DMD: variants seen among roughly 807,000 people sequenced by gnomAD.
DMD encodes the protein dystrophin.
A neutral mutation model predicts 330.1 loss-of-function variants in DMD; 63 were observed. The observed-to-expected ratio is 0.19, with a 90% confidence interval of 0.16 to 0.24. The LOEUF (loss-of-function observed/expected upper bound fraction) is 0.24, where lower values mean the gene tolerates loss of function less well. Ranked by LOEUF, DMD falls within the 10% of genes least tolerant of loss-of-function variation. The pLI is 1.00. For missense variants in DMD, 3,344 were observed against 2,684.1 expected (o/e 1.25, Z -5.43); for synonymous variants, 1,223 against 959.8 (o/e 1.27, Z -5.07).
At chrX:31,369,506 ATT>A (rs747345297) in intron 60 of DMD, among the ~76,000 whole-genome samples, 1 of 112,233 alleles carries the variant, frequency 8.9e-6, no homozygotes, top group African/African-American at 3.2e-5. Flanking sequence ...ATAAAAGTAG[ATT>A]CAGAAATAAT....
intron 7 of DMD, among the ~76,000 whole-genome samples, chrX:32,742,868 C>T (rs1603338811): frequency 8.9e-6 from 1 of 111,790 alleles, no homozygotes; most frequent in African/African-American, 3.3e-5. Flanking sequence ...TGCAATCCTA[C>T]GATGTAGATA....
intron 2 of DMD, among the ~76,000 whole-genome samples, chrX:32,968,485 T>TA (rs35556943): frequency 0.063 from 6,987 of 111,707 alleles, 165 homozygotes; most frequent in African/African-American, 0.1. Context: ...AAGATATTTT[T>TA]ATCCTTCATT....
chrX:32,788,379 G>A (rs1470129762), intron 7 of DMD, among the ~76,000 whole-genome samples: 2 of 111,548 alleles, frequency 1.8e-5, no homozygotes, highest in Non-Finnish European at 3.8e-5. Flanking sequence ...CACTGATTTT[G>A]GCCGTTGTCC....
At chrX:33,150,666 T>C (rs2048245718) in intron 1 of DMD, among the ~76,000 whole-genome samples, 1 of 108,605 alleles carries the variant, frequency 9.2e-6, no homozygotes, top group African/African-American at 3.4e-5. Context: ...CTCATTCCCT[T>C]AACCTGGAAC....
intron 2 of DMD, among the ~76,000 whole-genome samples, chrX:32,866,760 G>A (rs1486396098): frequency 1.0e-5 from 1 of 96,275 alleles, no homozygotes; most frequent in Non-Finnish European, 2.0e-5. Flanking sequence ...GGGGGACAGA[G>A]TTTCACTCTT....
At chrX:32,688,235 G>T (rs2063023291) in intron 9 of DMD, among the ~76,000 whole-genome samples, 1 of 109,081 alleles carries the variant, frequency 9.2e-6, no homozygotes. Context: ...AAATATCCTT[G>T]GTTCGCAAAA....
At chrX:32,592,341 A>T (rs1379606336) in intron 13 of DMD, among the ~76,000 whole-genome samples, 1 of 110,644 alleles carries the variant, frequency 9.0e-6, no homozygotes, top group Non-Finnish European at 1.9e-5. Flanking sequence ...AGCCCATAAA[A>T]ACCCCAGACT....
chrX:32,178,158 A>AT (rs1405894212), intron 44 of DMD, among the ~76,000 whole-genome samples: 1 of 105,437 alleles, frequency 9.5e-6, no homozygotes, highest in African/African-American at 3.5e-5. Flanking sequence ...AACCTACCTT[A>AT]TGGCCAGAAC....
intron 55 of DMD, among the ~76,000 whole-genome samples, chrX:31,561,610 C>A (rs2075202842): frequency 8.9e-6 from 1 of 111,969 alleles, no homozygotes; most frequent in African/African-American, 3.3e-5. Flanking sequence ...GGGCATCAAT[C>A]TAAATATATT....
At chrX:32,878,290 A>G (rs1475738591) in intron 2 of DMD, among the ~76,000 whole-genome samples, 1 of 111,341 alleles carries the variant, frequency 9.0e-6, no homozygotes, top group African/African-American at 3.3e-5. Context: ...AGGCAGGAGA[A>G]TGGCATGAAC....
At chrX:33,124,496 A>C (rs1480582655) in intron 1 of DMD, among the ~76,000 whole-genome samples, 3 of 104,999 alleles carry the variant, frequency 2.9e-5, no homozygotes, top group African/African-American at 1.1e-4. Context: ...AAAAAAAAAA[A>C]AAAAAAAAAA....
intron 52 of DMD, among the ~76,000 whole-genome samples, chrX:31,704,710 A>G (rs1040446924): frequency 8.9e-6 from 1 of 111,791 alleles, no homozygotes; most frequent in African/African-American, 3.2e-5. Flanking sequence ...CTCAAGCAAG[A>G]CTATATTTTT....
intron 43 of DMD, among the ~76,000 whole-genome samples, chrX:32,261,023 G>A (rs924682138): frequency 9.0e-6 from 1 of 111,694 alleles, no homozygotes; most frequent in Non-Finnish European, 1.9e-5. Flanking sequence ...CAGGGGACAC[G>A]TGGGACACAT....
At chrX:31,315,551 T>C (rs925022669) in intron 62 of DMD, among the ~76,000 whole-genome samples, 1 of 112,316 alleles carries the variant, frequency 8.9e-6, no homozygotes, top group Non-Finnish European at 1.9e-5. Context: ...GGGAAATAGC[T>C]GAAATAATTT....
intron 29 of DMD, among the ~76,000 whole-genome samples, chrX:32,414,525 C>A (rs2098158796): frequency 8.9e-6 from 1 of 112,083 alleles, no homozygotes. Context: ...AGACTATCAA[C>A]TCTAATGAGT....
rs553621372 is a variant in DMD, at chrX:31,177,581, C to G, written c.10262+351G>C. 9.0e-4 allele frequency among the ~76,000 whole-genome samples: 100 copies of G among 111,344 alleles called. 2 individuals are homozygous for G. In the South Asian group the frequency reaches 0.037, roughly 41 times the overall value. On this transcript the variant is annotated intron_variant, in intron 71 of 78. Coordinates refer to ENST00000357033, the MANE Select transcript of DMD (RefSeq NM_004006.3). Reference sequence around the variant, plus strand: ...AATGTTATTATGTAATCAGAAGCTTCTTCCTTGCTTTTATATGAAGAAATA... The same window carrying G: ...AATGTTATTATGTAATCAGAAGCTTGTTCCTTGCTTTTATATGAAGAAATA...
intron 64 of DMD, among the ~76,000 whole-genome samples, chrX:31,216,367 A>G (rs745907780): frequency 3.6e-5 from 4 of 112,418 alleles, no homozygotes; most frequent in Non-Finnish European, 7.5e-5. Context: ...ACAAGATTAC[A>G]GTATTTCCCC....
At chrX:33,275,892 G>T (rs112847465) in intron 1 of DMD, among the ~76,000 whole-genome samples, 1,824 of 111,161 alleles carry the variant, frequency 0.016, 49 homozygotes, top group African/African-American at 0.057. Flanking sequence ...GTATGTTTAC[G>T]TACATATACA....
intron 41 of DMD, among the ~76,000 whole-genome samples, chrX:32,329,831 T>C (rs188501732): frequency 8.9e-6 from 1 of 112,704 alleles, no homozygotes; most frequent in East Asian, 2.8e-4. Flanking sequence ...GAAGTGCCCA[T>C]GCACTGATAT....
Sources: allele counts gnomAD v4.1 joint callset (sites outside exome capture counted in the v4.1 genomes callset), GRCh38; gene constraint gnomAD v4.1.1; transcripts MANE v1.5; gene names NCBI Gene and HGNC (gene_info 2026-07-23, HGNC 2026-07-21).